GPHN: variants seen among roughly 807,000 people sequenced by gnomAD.
GPHN encodes the protein gephyrin.
Under a neutral mutation model 95.5 loss-of-function variants are expected in GPHN, and 17 were observed. The ratio of observed to expected loss-of-function variants is 0.18; its 90% confidence interval spans 0.12 to 0.27. The LOEUF is 0.27. Among genes scored for constraint, GPHN ranks in the 10% least tolerant of loss-of-function variants. GPHN has a pLI of 1.00. For missense variants in GPHN, 660 were observed against 978.1 expected, an observed-to-expected ratio of 0.67 and a Z score of 4.34; for synonymous variants, 320 against 322.5, an observed-to-expected ratio of 0.99 and a Z score of 0.08.
At chr14:67,534,478 T>C in the GPHN span, among the ~76,000 whole-genome samples, 7 of 152,100 alleles carry the variant, frequency 4.6e-5, no homozygotes, top group East Asian at 1.9e-4. Context: ...CCCAGCTAAC[T>C]TGGGAGGCTG....
chr14:66,708,343 G>A (rs2069288869), intron 2 of GPHN, among the ~76,000 whole-genome samples: 1 of 152,086 alleles, frequency 6.6e-6, no homozygotes, highest in Non-Finnish European at 1.5e-5. Flanking sequence ...AACCTCATAA[G>A]GTATTCAATC....
chr14:66,870,475 G>C (rs1386571976), intron 4 of GPHN, among the ~76,000 whole-genome samples: 2 of 152,110 alleles, frequency 1.3e-5, no homozygotes, highest in African/African-American at 4.8e-5. Context: ...CCTAACTACT[G>C]TATTTTCGAT....
the GPHN span, among the ~76,000 whole-genome samples, chr14:67,425,366 C>T: frequency 1.3e-5 from 2 of 152,146 alleles, no homozygotes; most frequent in Admixed American, 1.3e-4. Context: ...GTCTGGGCAA[C>T]ATGATGAAAC....
the GPHN span, chr14:67,647,259 A>T: frequency 1.2e-5 from 5 of 431,184 alleles, no homozygotes; most frequent in Non-Finnish European, 1.6e-5. Context: ...ATTTTTCTTT[A>T]TCTCCATCTT....
the GPHN span, among the ~76,000 whole-genome samples, chr14:67,520,941 T>A: frequency 6.6e-6 from 1 of 152,256 alleles, no homozygotes; most frequent in South Asian, 2.1e-4. Context: ...AAGCAATGAA[T>A]GGGAGTTCCT....
chr14:66,599,360 C>A (rs2140809778), intron 1 of GPHN, among the ~76,000 whole-genome samples: 1 of 122,440 alleles, frequency 8.2e-6, no homozygotes, highest in South Asian at 2.5e-4. Context: ...TATCCTTTTA[C>A]CTCTGTTCTC....
the GPHN span, among the ~76,000 whole-genome samples, chr14:67,421,580 A>G: frequency 6.6e-6 from 1 of 152,128 alleles, no homozygotes; most frequent in Non-Finnish European, 1.5e-5. Context: ...CACTACCACC[A>G]TCGCTCAGAA....
chr14:67,198,290 TC>T, the GPHN span: 1 of 1,613,790 alleles, frequency 6.2e-7, no homozygotes, highest in Non-Finnish European at 8.5e-7. Flanking sequence ...CTTTTGTATC[TC>T]CTCCCATGTT....
At chr14:66,875,072 A>G (rs772621356) in intron 4 of GPHN, among the ~76,000 whole-genome samples, 19 of 152,340 alleles carry the variant, frequency 1.2e-4, no homozygotes, top group Non-Finnish European at 2.5e-4. Context: ...CAGAAACCCA[A>G]CAAGCCAGAA....
At chr14:66,778,511 C>G (rs2059474905) in intron 3 of GPHN, among the ~76,000 whole-genome samples, 2 of 151,794 alleles carry the variant, frequency 1.3e-5, no homozygotes, top group South Asian at 4.2e-4. Context: ...ATATGTTGTT[C>G]TTTTTCAAAA....
At chr14:66,509,031 C>T (rs912676616) in intron 1 of GPHN, 13 of 234,846 alleles carry the variant, frequency 5.5e-5, no homozygotes, top group South Asian at 4.5e-4. Flanking sequence ...CTCTCCTTCC[C>T]TTCCCCCCAC....
chr14:67,136,833 T>C (rs2080104981), intron 17 of GPHN, among the ~76,000 whole-genome samples: 1 of 152,160 alleles, frequency 6.6e-6, no homozygotes, highest in Non-Finnish European at 1.5e-5. Context: ...GGTTAGGTAT[T>C]TAATTATTCA....
At chr14:67,429,806 G>A in the GPHN span, among the ~76,000 whole-genome samples, 16 of 152,228 alleles carry the variant, frequency 1.1e-4, no homozygotes, top group African/African-American at 3.6e-4. Flanking sequence ...TTTACCGCAT[G>A]CCAGATACAG....
chr14:67,175,370 C>T (rs988313114), intron 21 of GPHN, among the ~76,000 whole-genome samples: 1 of 152,070 alleles, frequency 6.6e-6, no homozygotes, highest in Non-Finnish European at 1.5e-5. Flanking sequence ...TCAGGTTTGT[C>T]AAAGATCAGA....
chr14:67,725,142 G>T, the GPHN span: 7 of 1,614,200 alleles, frequency 4.3e-6, 1 homozygote, highest in Admixed American at 1.2e-4. Flanking sequence ...TGAAGGGGGA[G>T]TCTGCTGCCA....
chr14:67,587,134 C>T, the GPHN span: 1 of 1,613,762 alleles, frequency 6.2e-7, no homozygotes, highest in Admixed American at 1.7e-5. Flanking sequence ...AACTGTGAAC[C>T]CCCCCACCAA....
the GPHN span, among the ~76,000 whole-genome samples, chr14:67,288,454 G>GGC: frequency 6.6e-6 from 1 of 152,102 alleles, no homozygotes; most frequent in African/African-American, 2.4e-5. Flanking sequence ...CGCTTTGGGT[G>GGC]GACGAGGCAG....
intron 3 of GPHN, among the ~76,000 whole-genome samples, chr14:66,790,336 C>T (rs192940575): frequency 4.0e-4 from 61 of 152,254 alleles, no homozygotes; most frequent in East Asian, 5.8e-4. Flanking sequence ...AGGAAGTACT[C>T]ATTACCTAGG....
chr14:66,615,832 G>A (rs1196500217), intron 1 of GPHN, among the ~76,000 whole-genome samples: 1 of 151,476 alleles, frequency 6.6e-6, no homozygotes, highest in Non-Finnish European at 1.5e-5. Flanking sequence ...TTTTCTTGTA[G>A]GTTTTTTTTT....
Sources: allele counts gnomAD v4.1 joint callset (sites outside exome capture counted in the v4.1 genomes callset), GRCh38; gene constraint gnomAD v4.1.1; transcripts MANE v1.5; gene names NCBI Gene and HGNC (gene_info 2026-07-23, HGNC 2026-07-21).